SH3BGRL: variants seen among roughly 807,000 people sequenced by gnomAD.
SH3BGRL encodes adapter SH3BGRL.
Under a neutral mutation model 9.8 loss-of-function variants are expected in SH3BGRL, and 7 were observed. The observed-to-expected ratio is 0.72, with a 90% CI of 0.41 to 1.35. The LOEUF (loss-of-function observed/expected upper bound fraction) is 1.35. Ranked by LOEUF, SH3BGRL falls within the 40% of genes most tolerant of loss-of-function variation. The pLI is 0.01. For synonymous variants in SH3BGRL, 36 were observed against 29.1 expected (o/e 1.24, Z -0.76); for missense variants, 73 against 84.4 (o/e 0.86, Z 0.53).
At chrX:81,267,938 C>T (rs1206322034) in intron 1 of SH3BGRL, among the ~76,000 whole-genome samples, 1 of 111,360 alleles carries the variant, frequency 9.0e-6, no homozygotes, top group Non-Finnish European at 1.9e-5. Context: ...TCTGGTTTAG[C>T]CTTGGGAGGG....
At chrX:81,260,534 A>G in intron 1 of SH3BGRL, among the ~76,000 whole-genome samples, 1 of 111,031 alleles carries the variant, frequency 9.0e-6, no homozygotes, top group South Asian at 3.8e-4. Flanking sequence ...ATACATATAG[A>G]ATTCCATAAC....
intron 1 of SH3BGRL, among the ~76,000 whole-genome samples, chrX:81,275,463 G>A (rs1307291897): frequency 1.8e-5 from 2 of 111,372 alleles, no homozygotes; most frequent in Admixed American, 9.6e-5. Context: ...GCTAATGATC[G>A]ACAAATTACT....
chrX:81,212,626 T>C lies in SH3BGRL; in HGVS notation c.45+10381T>C, dbSNP rs111887363. On this transcript the variant is annotated intron_variant, in intron 1 of 3. Transcript: ENST00000373212. ...TGTTTATATCCAATTAGAAATTGTGTGGCTATGATTAGGTGCTGTATGGGG... is the reference window on the plus strand; with the variant it reads ...TGTTTATATCCAATTAGAAATTGTGCGGCTATGATTAGGTGCTGTATGGGG... Among the ~76,000 whole-genome samples, 481 of 111,964 alleles carry C rather than the reference T, an allele frequency of 4.3e-3. 2 individuals carry two copies. The highest frequency in any genetic ancestry group is 0.015 in the African/African-American group (452 of 30,824).
At chrX:81,259,651 A>C (rs1389525504) in intron 1 of SH3BGRL, among the ~76,000 whole-genome samples, 2 of 112,025 alleles carry the variant, frequency 1.8e-5, no homozygotes, top group Admixed American at 1.9e-4. Flanking sequence ...TGATTGTGAC[A>C]GTGTGATTTG....
At chrX:81,210,216 A>T (rs900323137) in intron 1 of SH3BGRL, among the ~76,000 whole-genome samples, 1 of 111,118 alleles carries the variant, frequency 9.0e-6, no homozygotes, top group Non-Finnish European at 1.9e-5. Context: ...GGTAACATTT[A>T]CTACATGAGA....
rs377090604 is a variant in SH3BGRL, at chrX:81,278,530, C to A, written c.312+119C>A. 5.7e-4 allele frequency: 266 copies of A among 464,182 alleles called. No individual in the cohort carries two copies. The African/African-American group carries it at 6.2e-3, about 11-fold the overall frequency. 38.3% of individuals were successfully genotyped at this position (464,182 alleles called of 1,213,427 possible). A position where few individuals can be genotyped will look rare whatever the true frequency, so the allele number is the denominator to read the frequency against. On this transcript the variant is annotated intron_variant, in intron 3 of 3. Coordinates refer to ENST00000373212, the MANE Select transcript of SH3BGRL (RefSeq NM_003022.3). ...TTAAGTCAGAGACAATCCTTTATAG[C>A]AAAAAGTGCCTTCTCTGCATCCACT...
intron 1 of SH3BGRL, among the ~76,000 whole-genome samples, chrX:81,276,018 C>T (rs975283441): frequency 3.6e-5 from 4 of 110,914 alleles, no homozygotes; most frequent in African/African-American, 1.3e-4. Flanking sequence ...TTTTTGATGA[C>T]AACACTCCAT....
chrX:81,263,091 G>GAACTTCACAGAACTTCAC (rs752216547), intron 1 of SH3BGRL, among the ~76,000 whole-genome samples: 1 of 111,545 alleles, frequency 9.0e-6, no homozygotes, highest in Non-Finnish European at 1.9e-5. Flanking sequence ...GAACTTCACA[G>GAACTTCACAGAACTTCAC]AGTAGACCTG....
intron 1 of SH3BGRL, among the ~76,000 whole-genome samples, chrX:81,208,360 A>C (rs1327448206): frequency 1.8e-5 from 2 of 112,296 alleles, no homozygotes; most frequent in Non-Finnish European, 3.8e-5. Flanking sequence ...TTGATCAATA[A>C]ACCCTCCACC....
intron 1 of SH3BGRL, among the ~76,000 whole-genome samples, chrX:81,251,697 A>G (rs2075711262): frequency 8.9e-6 from 1 of 111,982 alleles, no homozygotes; most frequent in Non-Finnish European, 1.9e-5. Flanking sequence ...TTGAATTTTA[A>G]TGTCCCACTA....
intron 3 of SH3BGRL, among the ~76,000 whole-genome samples, chrX:81,296,890 G>GA (rs931976141): frequency 1.0e-4 from 11 of 110,208 alleles, no homozygotes; most frequent in East Asian, 5.6e-4. Context: ...CAATTTTCAT[G>GA]AAAAAAAATC....
intron 1 of SH3BGRL, among the ~76,000 whole-genome samples, chrX:81,244,770 G>C (rs755677193): frequency 3.6e-5 from 4 of 111,189 alleles, no homozygotes; most frequent in Non-Finnish European, 7.5e-5. Flanking sequence ...ATCTACATTA[G>C]GTATTTCTCC....
At chrX:81,286,525 GAGA>G (rs2075834895) in intron 3 of SH3BGRL, among the ~76,000 whole-genome samples, 1 of 72,849 alleles carries the variant, frequency 1.4e-5, no homozygotes, top group African/African-American at 5.8e-5. Flanking sequence ...AAAAAAAAAA[GAGA>G]GGGGAAAAGC....
At chrX:81,279,808 A>G (rs2075810457) in intron 3 of SH3BGRL, among the ~76,000 whole-genome samples, 3 of 111,210 alleles carry the variant, frequency 2.7e-5, no homozygotes, top group African/African-American at 6.6e-5. Flanking sequence ...TTTTGTAACA[A>G]TTCGAAAGGG....
chrX:81,276,960 C>T (rs754188098), intron 1 of SH3BGRL, 24 bp from the exon 2 acceptor site: 31 of 1,174,063 alleles, frequency 2.6e-5, no homozygotes, highest in African/African-American at 7.2e-5. Flanking sequence ...TTGGAAAATA[C>T]GGTTTCTTGT....
chrX:81,249,829 T>G (rs1421498049), intron 1 of SH3BGRL, among the ~76,000 whole-genome samples: 2 of 111,495 alleles, frequency 1.8e-5, no homozygotes, highest in African/African-American at 3.3e-5. Context: ...ATGGAAATTT[T>G]AATCTTAAAA....
intron 1 of SH3BGRL, among the ~76,000 whole-genome samples, chrX:81,239,809 G>A (rs1012484670): frequency 3.9e-4 from 44 of 112,299 alleles, no homozygotes; most frequent in African/African-American, 1.4e-3. Flanking sequence ...GAGCTCCAAT[G>A]CATCTGGCAG....
chrX:81,235,359 C>G (rs1251100534), intron 1 of SH3BGRL, among the ~76,000 whole-genome samples: 1 of 109,859 alleles, frequency 9.1e-6, no homozygotes, highest in Non-Finnish European at 1.9e-5. Context: ...TTTGGAAGGG[C>G]TGGGGAGAGA....
chrX:81,249,814 G>A (rs7055983), intron 1 of SH3BGRL, among the ~76,000 whole-genome samples: 11,691 of 110,712 alleles, frequency 0.11, 608 homozygotes, highest in South Asian at 0.22. Context: ...GAAGAATATC[G>A]GTGAATGGAA....
Sources: gnomAD v4.1 joint callset for allele counts (sites outside exome capture counted in the v4.1 genomes callset) on GRCh38, gnomAD v4.1.1 for gene constraint, MANE v1.5 for transcripts, NCBI Gene and HGNC (gene_info 2026-07-23, HGNC 2026-07-21) for gene names.